ANTXR1: variants seen among roughly 807,000 people sequenced by gnomAD.
ANTXR1 encodes the protein anthrax toxin receptor 1.
Under a neutral mutation model 78.1 loss-of-function variants are expected in ANTXR1, and 19 were observed. The ratio of observed to expected loss-of-function variants is 0.24; its 90% confidence interval spans 0.17 to 0.36. The LOEUF (loss-of-function observed/expected upper bound fraction) is 0.36, where lower values mean the gene tolerates loss of function less well. ANTXR1 is among the 10% of genes least tolerant of loss of function. The pLI, the probability that ANTXR1 is intolerant of heterozygous loss-of-function variation, is 1.00. For missense variants in ANTXR1, 518 were observed against 718.6 expected (o/e 0.72, Z 3.19); for synonymous variants, 273 against 260.5 (o/e 1.05, Z -0.46).
chr2:69,034,714 T>C (rs1671627556), intron 1 of ANTXR1, among the ~76,000 whole-genome samples: 1 of 152,196 alleles, frequency 6.6e-6, no homozygotes, highest in African/African-American at 2.4e-5. Context: ...TTTCTAGTAC[T>C]ATTTATATTT....
At chr2:69,095,353 A>G (rs558385273) in intron 9 of ANTXR1, among the ~76,000 whole-genome samples, 2 of 152,332 alleles carry the variant, frequency 1.3e-5, no homozygotes, top group South Asian at 2.1e-4. Flanking sequence ...CCACACCCCT[A>G]TGAAACTCAC....
At chr2:69,069,682 A>G (rs1239343659) in intron 3 of ANTXR1, among the ~76,000 whole-genome samples, 1 of 152,190 alleles carries the variant, frequency 6.6e-6, no homozygotes, top group Non-Finnish European at 1.5e-5. Context: ...AAGGACAGTA[A>G]TACTCACTTT....
chr2:69,063,997 A>C (rs1413348020), intron 3 of ANTXR1, among the ~76,000 whole-genome samples: 1 of 152,014 alleles, frequency 6.6e-6, no homozygotes, highest in Non-Finnish European at 1.5e-5. Flanking sequence ...AGGAAAGGAG[A>C]AAGAAACAAA....
Position 69,156,906 on chromosome 2 carries a change from G to A in ANTXR1, c.1047+4642G>A, listed in dbSNP as rs553229287. 9.2e-5 allele frequency among the ~76,000 whole-genome samples: 14 copies of A among 152,310 alleles called. No homozygotes were observed. In the South Asian group the frequency reaches 2.7e-3, roughly 29 times the overall value. On this transcript the variant is annotated intron_variant, in intron 13 of 17. Transcript: ENST00000303714. Reference sequence around the variant, plus strand: ...GATCACAACTCGACGTGAGATTTGCGTGGGAACACGGATCCAACCCATGTT... The same window carrying A: ...GATCACAACTCGACGTGAGATTTGCATGGGAACACGGATCCAACCCATGTT...
At chr2:69,161,400 A>G (rs1400117629) in intron 13 of ANTXR1, among the ~76,000 whole-genome samples, 3 of 152,194 alleles carry the variant, frequency 2.0e-5, no homozygotes, top group Non-Finnish European at 4.4e-5. Flanking sequence ...AATTGGAGGG[A>G]AAAAAAGTTG....
intron 12 of ANTXR1, among the ~76,000 whole-genome samples, chr2:69,150,082 A>G (rs1332726443): frequency 6.6e-6 from 1 of 152,208 alleles, no homozygotes; most frequent in Non-Finnish European, 1.5e-5. Context: ...GCTAGGGACC[A>G]GAGGTGTTTA....
chr2:69,178,315 G>A (rs1674186081), intron 14 of ANTXR1, among the ~76,000 whole-genome samples: 1 of 152,170 alleles, frequency 6.6e-6, no homozygotes, highest in Admixed American at 6.5e-5. Context: ...TGACTCTCCC[G>A]TCCGTCAGCC....
chr2:69,118,931 AG>A (rs1672250236), intron 10 of ANTXR1, among the ~76,000 whole-genome samples: 1 of 152,176 alleles, frequency 6.6e-6, no homozygotes, highest in Non-Finnish European at 1.5e-5. Flanking sequence ...AGAAAATGCC[AG>A]CTCCACAGAG....
intron 3 of ANTXR1, among the ~76,000 whole-genome samples, chr2:69,052,334 T>A (rs562962015): frequency 6.6e-6 from 1 of 152,086 alleles, no homozygotes; most frequent in African/African-American, 2.4e-5. Context: ...TTAAGACTTA[T>A]AAGTCACCAT....
At chr2:69,202,517 C>T (rs1013591308) in intron 17 of ANTXR1, among the ~76,000 whole-genome samples, 5 of 151,958 alleles carry the variant, frequency 3.3e-5, no homozygotes, top group Admixed American at 6.6e-5. Flanking sequence ...AAGACTTGAG[C>T]GTGATTAAGT....
rs4273254 is a variant in ANTXR1, at chr2:69,218,816, G to C, written c.1434+25401G>C. On this transcript the variant is annotated intron_variant, in intron 17 of 17. Transcript: ENST00000303714. ...ATAAAAGGCTTACAGAAAACCAAAG[G>C]CCTATTAAATATCCCTGCCCCACCT... Among the ~76,000 whole-genome samples the C allele has an allele frequency of 8.7e-3, 1,329 of 152,164 alleles. 35 individuals carry two copies. The East Asian group carries it at 0.095, about 11-fold the overall frequency.
At chr2:69,073,844 A>C (rs1183579416) in intron 6 of ANTXR1, among the ~76,000 whole-genome samples, 1 of 152,252 alleles carries the variant, frequency 6.6e-6, no homozygotes, top group East Asian at 1.9e-4. Flanking sequence ...CTATAGCCTT[A>C]TTAGTGACAA....
chr2:69,171,357 AAAG>A (rs1459793338), intron 14 of ANTXR1, among the ~76,000 whole-genome samples: 1 of 152,254 alleles, frequency 6.6e-6, no homozygotes, highest in East Asian at 1.9e-4. Flanking sequence ...ATTGCTGTGC[AAAG>A]AAGAAGAAAA....
chr2:69,165,878 T>C lies in ANTXR1; in HGVS notation c.1048-4370T>C, dbSNP rs375004666. On this transcript the variant is annotated intron_variant, in intron 13 of 17. Coordinates refer to ENST00000303714, the MANE Select transcript of ANTXR1 (RefSeq NM_032208.3). ...GAGAAAAAAGAAAAGCAAAATAAAC[T>C]CATCAGGTGCTTTATCTCACTTTAA... Among the ~76,000 whole-genome samples, 6 of 152,108 alleles carry C rather than the reference T, an allele frequency of 3.9e-5. No homozygotes were observed. The East Asian group carries it at 9.6e-4, about 24-fold the overall frequency.
intron 17 of ANTXR1, among the ~76,000 whole-genome samples, chr2:69,239,617 C>T (rs559172691): frequency 3.2e-4 from 48 of 152,286 alleles, no homozygotes; most frequent in African/African-American, 9.9e-4. Context: ...GTCATCTAGC[C>T]GGTACAACTT....
Position 69,206,454 on chromosome 2 carries a change from G to A in ANTXR1, c.1434+13039G>A, listed in dbSNP as rs547645114. Among the ~76,000 whole-genome samples the A allele has an allele frequency of 2.0e-5, 3 of 152,254 alleles. No individual in the cohort carries two copies. The South Asian group carries it at 6.2e-4, about 32-fold the overall frequency. ...GTGGGCCTAATGGAAAGTCCACCGT[G>A]GAATCATCTGTGTTTCTATGCAACA... On this transcript the variant is annotated intron_variant, in intron 17 of 17. Coordinates refer to ENST00000303714, the MANE Select transcript of ANTXR1 (RefSeq NM_032208.3).
chr2:69,144,541 G>T (rs906841395), intron 12 of ANTXR1, among the ~76,000 whole-genome samples: 4 of 152,202 alleles, frequency 2.6e-5, no homozygotes, highest in Non-Finnish European at 4.4e-5. Flanking sequence ...CACATCATCA[G>T]CTGCATCCCC....
intron 1 of ANTXR1, among the ~76,000 whole-genome samples, chr2:69,024,215 G>A (rs1671278614): frequency 6.6e-6 from 1 of 152,156 alleles, no homozygotes; most frequent in Admixed American, 6.5e-5. Flanking sequence ...AGAGAAGTTG[G>A]TGTGGACATG....
intron 14 of ANTXR1, among the ~76,000 whole-genome samples, chr2:69,173,542 G>T (rs1438737636): frequency 6.6e-6 from 1 of 152,206 alleles, no homozygotes; most frequent in East Asian, 1.9e-4. Flanking sequence ...CCCTCAGAAG[G>T]AGGAATGGAC....
Sources: gnomAD v4.1 joint callset for allele counts (sites outside exome capture counted in the v4.1 genomes callset) on GRCh38, gnomAD v4.1.1 for gene constraint, MANE v1.5 for transcripts, NCBI Gene and HGNC (gene_info 2026-07-23, HGNC 2026-07-21) for gene names.